RHBDD1: variants seen among roughly 807,000 people sequenced by gnomAD.
RHBDD1 encodes the protein rhomboid-related protein 4.
Under a neutral mutation model 36.3 loss-of-function variants are expected in RHBDD1, and 38 were observed. The observed-to-expected ratio is 1.05, with a 90% CI of 0.81 to 1.37. The LOEUF (loss-of-function observed/expected upper bound fraction) is 1.37. RHBDD1 is among the 40% of genes most tolerant of loss of function. RHBDD1 has a pLI of 0.00. For missense variants in RHBDD1, 393 were observed against 377.6 expected, an observed-to-expected ratio of 1.04 and a Z score of -0.34; for synonymous variants, 151 against 136.5, an observed-to-expected ratio of 1.11 and a Z score of -0.74.
chr2:226,873,819 A>T (rs893837688), intron 5 of RHBDD1, among the ~76,000 whole-genome samples: 6 of 152,158 alleles, frequency 3.9e-5, no homozygotes, highest in African/African-American at 1.2e-4. Flanking sequence ...CCTGGTAGTC[A>T]AGGAGTTGTT....
intron 8 of RHBDD1, among the ~76,000 whole-genome samples, chr2:226,959,129 C>A (rs980304343): frequency 3.3e-5 from 5 of 152,024 alleles, no homozygotes; most frequent in African/African-American, 1.2e-4. Flanking sequence ...CCTATTGAGT[C>A]TCGGTTTCAT....
intron 5 of RHBDD1, among the ~76,000 whole-genome samples, chr2:226,904,940 G>A (rs536103326): frequency 7.9e-5 from 12 of 152,226 alleles, no homozygotes; most frequent in African/African-American, 2.9e-4. Flanking sequence ...GTTGGTCTTG[G>A]TGAAACGGTC....
At chr2:226,988,184 A>G in intron 8 of RHBDD1, 2 of 660,264 alleles carry the variant, frequency 3.0e-6, no homozygotes, top group South Asian at 2.5e-5. Context: ...TCTTTTTAAA[A>G]TAATGTAATT....
chr2:226,892,872 C>T (rs1010919862), intron 5 of RHBDD1, among the ~76,000 whole-genome samples: 10 of 152,130 alleles, frequency 6.6e-5, no homozygotes, highest in African/African-American at 2.4e-4. Context: ...CAGGACCTTA[C>T]CCCAGAGCAA....
chr2:226,968,793 C>T (rs1004066966), intron 8 of RHBDD1, among the ~76,000 whole-genome samples: 5 of 152,178 alleles, frequency 3.3e-5, no homozygotes, highest in Non-Finnish European at 7.3e-5. Flanking sequence ...AAAGTATAAT[C>T]GGTGTTTGCA....
At chr2:226,966,144 A>G (rs1033002565) in intron 8 of RHBDD1, among the ~76,000 whole-genome samples, 13 of 152,314 alleles carry the variant, frequency 8.5e-5, no homozygotes, top group African/African-American at 3.1e-4. Flanking sequence ...TAGTTTTTCC[A>G]GCATTATTTG....
chr2:226,864,323 G>T (rs13409261), intron 3 of RHBDD1, among the ~76,000 whole-genome samples: 35,927 of 152,020 alleles, frequency 0.24, 7,906 homozygotes, highest in African/African-American at 0.59. Context: ...ATGTTTGTTT[G>T]GGAAGTGAAG....
At chr2:226,905,897 C>T (rs1043153162) in intron 5 of RHBDD1, among the ~76,000 whole-genome samples, 5 of 151,976 alleles carry the variant, frequency 3.3e-5, no homozygotes, top group African/African-American at 9.7e-5. Context: ...TGCATGTGTG[C>T]GCGGGGGTGT....
chr2:226,955,699 G>C (rs1951742610), intron 8 of RHBDD1, among the ~76,000 whole-genome samples: 1 of 152,236 alleles, frequency 6.6e-6, no homozygotes, highest in African/African-American at 2.4e-5. Context: ...TTGCCCCTTG[G>C]CTTGCAGGTG....
intron 5 of RHBDD1, among the ~76,000 whole-genome samples, chr2:226,878,589 G>C (rs1235247218): frequency 1.3e-5 from 2 of 152,162 alleles, no homozygotes; most frequent in Non-Finnish European, 2.9e-5. Flanking sequence ...TGAGGAAGAG[G>C]CCCAACCATC....
chr2:226,961,152 C>T (rs1444056344), intron 8 of RHBDD1, among the ~76,000 whole-genome samples: 2 of 152,138 alleles, frequency 1.3e-5, no homozygotes, highest in Non-Finnish European at 2.9e-5. Flanking sequence ...ATGGCATGGG[C>T]TTTGCTGTCA....
chr2:226,875,387 A>C (rs892156620), intron 5 of RHBDD1, among the ~76,000 whole-genome samples: 1 of 152,236 alleles, frequency 6.6e-6, no homozygotes, highest in Admixed American at 6.5e-5. Context: ...ATCTTGAACA[A>C]TTCTGAATTA....
chr2:226,808,137 C>G, the RHBDD1 span, among the ~76,000 whole-genome samples: 1 of 152,088 alleles, frequency 6.6e-6, no homozygotes, highest in Non-Finnish European at 1.5e-5. Flanking sequence ...AGATGATGGT[C>G]ATTCGTAAAG....
chr2:226,832,744 G>A (rs979729029), upstream of RHBDD1, among the ~76,000 whole-genome samples: 3 of 152,092 alleles, frequency 2.0e-5, 1 homozygote, highest in South Asian at 4.1e-4. Context: ...TCAGCCAGAC[G>A]CGCTGGCCTG....
intron 8 of RHBDD1, among the ~76,000 whole-genome samples, chr2:226,929,049 T>C (rs1949848362): frequency 6.6e-6 from 1 of 151,956 alleles, no homozygotes; most frequent in Admixed American, 6.6e-5. Flanking sequence ...GCCAGACAGA[T>C]TCACAGCCAA....
At chr2:226,982,363 T>A (rs1170250926) in intron 8 of RHBDD1, among the ~76,000 whole-genome samples, 3 of 152,240 alleles carry the variant, frequency 2.0e-5, no homozygotes, top group Non-Finnish European at 4.4e-5. Flanking sequence ...AGGGACAATA[T>A]CCTAGGTCAG....
chr2:226,986,180 A>C (rs374458505), intron 8 of RHBDD1, among the ~76,000 whole-genome samples: 4 of 152,372 alleles, frequency 2.6e-5, no homozygotes, highest in South Asian at 2.1e-4. Flanking sequence ...TGTCAAGGTC[A>C]TGGGGGTCAA....
upstream of RHBDD1, among the ~76,000 whole-genome samples, chr2:226,831,705 CTTT>C (rs79204506): frequency 1.4e-5 from 2 of 144,632 alleles, no homozygotes; most frequent in Non-Finnish European, 1.5e-5. Context: ...GTTTATAATA[CTTT>C]TTTTTTTTTT....
Position 226,914,190 on chromosome 2 carries a change from T to C in RHBDD1, c.713-18T>C, listed in dbSNP as rs916218573. The C allele has an allele frequency of 6.2e-7, 1 of 1,610,560 alleles. No homozygotes were observed. Among genetic ancestry groups the C allele is most frequent in the Non-Finnish European group, 8.5e-7 (1 of 1,177,876 alleles). On this transcript the variant is annotated intron_variant, in intron 7 of 8. Transcript: ENST00000392062. The stretch of plus-strand genomic sequence containing the variant: ...CAGTCCATAGCTGTGTTCTAGAACC[T>C]TTTCCTTGTGCCTTTAGGCAGCTCT...
Sources: gnomAD v4.1 joint callset for allele counts (sites outside exome capture counted in the v4.1 genomes callset) on GRCh38, gnomAD v4.1.1 for gene constraint, MANE v1.5 for transcripts, NCBI Gene and HGNC (gene_info 2026-07-23, HGNC 2026-07-21) for gene names.